The following LRRC37A2 variants were observed in gnomAD, a reference collection of about 807,000 sequenced individuals.
LRRC37A2 encodes leucine rich repeat containing 37 member A2.
Under a neutral mutation model 68.8 loss-of-function variants are expected in LRRC37A2, and 9 were observed. That is an observed-to-expected ratio of 0.13 (90% confidence interval 0.08 to 0.23). The LOEUF is 0.23. LRRC37A2 is among the 10% of genes least tolerant of loss of function. The pLI is 1.00. For missense variants in LRRC37A2, 168 were observed against 950.4 expected (o/e 0.18, Z 10.82); for synonymous variants, 63 against 367.6 (o/e 0.17, Z 9.48).
At chr17:46,725,470 GA>G in the LRRC37A2 span, among the ~76,000 whole-genome samples, 2 of 152,160 alleles carry the variant, frequency 1.3e-5, no homozygotes. Context: ...TTTATGCCAG[GA>G]AAGAGGTAAG....
At chr17:46,898,062 C>T in the LRRC37A2 span, among the ~76,000 whole-genome samples, 1,693 of 152,180 alleles carry the variant, frequency 0.011, 39 homozygotes, top group African/African-American at 0.038. Context: ...ATGAATGTTC[C>T]GGAGACAGAG....
chr17:46,773,913 CA>C, the LRRC37A2 span: 1 of 1,611,016 alleles, frequency 6.2e-7, no homozygotes, highest in Non-Finnish European at 8.5e-7. Context: ...CAGGGACCTG[CA>C]GGCAGACAGA....
the LRRC37A2 span, among the ~76,000 whole-genome samples, chr17:46,873,803 A>G: frequency 2.6e-5 from 4 of 151,038 alleles, no homozygotes; most frequent in African/African-American, 9.9e-5. Flanking sequence ...CAGCGTGGTC[A>G]AAATGGTGAA....
the LRRC37A2 span, among the ~76,000 whole-genome samples, chr17:46,792,778 CATT>C: frequency 6.6e-6 from 1 of 152,172 alleles, no homozygotes; most frequent in Non-Finnish European, 1.5e-5. Flanking sequence ...GGCCAGTGGC[CATT>C]ATTAATAATA....
At chr17:46,935,629 G>A in the LRRC37A2 span, 5 of 1,017,276 alleles carry the variant, frequency 4.9e-6, no homozygotes, top group Non-Finnish European at 5.9e-6. Flanking sequence ...ACTGTGCAGT[G>A]TTAGGGCTGC....
chr17:46,752,366 C>T, the LRRC37A2 span, among the ~76,000 whole-genome samples: 1 of 152,180 alleles, frequency 6.6e-6, no homozygotes, highest in African/African-American at 2.4e-5. Flanking sequence ...CTATCAAGCC[C>T]TATGAGTTCA....
At chr17:46,925,753 C>T in the LRRC37A2 span, among the ~76,000 whole-genome samples, 1 of 152,304 alleles carries the variant, frequency 6.6e-6, no homozygotes, top group South Asian at 2.1e-4. Context: ...TTGTGATTAT[C>T]TCTTGCCGTG....
the LRRC37A2 span, among the ~76,000 whole-genome samples, chr17:46,856,849 T>G: frequency 1.3e-5 from 2 of 152,228 alleles, no homozygotes; most frequent in African/African-American, 4.8e-5. Flanking sequence ...AACACATTTG[T>G]GGTGACTCCA....
At chr17:46,498,892 T>G in the LRRC37A2 span, among the ~76,000 whole-genome samples, 2 of 150,848 alleles carry the variant, frequency 1.3e-5, no homozygotes, top group Admixed American at 1.3e-4. Flanking sequence ...CGTATATATA[T>G]CTACATATAT....
the LRRC37A2 span, chr17:46,755,868 G>C: frequency 4.1e-5 from 65 of 1,591,086 alleles, 1 homozygote; most frequent in East Asian, 1.4e-3. Flanking sequence ...AAGTGACCAA[G>C]GTGAAGATGG....
chr17:46,543,359 C>T lies in LRRC37A2; in HGVS notation c.3053+2478C>T, dbSNP rs566796792. On this transcript the variant is annotated intron_variant, in intron 8 of 14. Transcript: ENST00000576629. Reference sequence around the variant, plus strand: ...ACAGTCTCAAAGATTTGTCAGTATACTTTAAAACAATCCTGGGAACAGTTC... The same window carrying T: ...ACAGTCTCAAAGATTTGTCAGTATATTTTAAAACAATCCTGGGAACAGTTC... Among the ~76,000 whole-genome samples the T allele has an allele frequency of 4.6e-5, 7 of 150,832 alleles. 1 individual carries two copies. In the East Asian group the frequency reaches 1.2e-3, roughly 25 times the overall value.
At chr17:46,833,067 A>G in the LRRC37A2 span, 138 of 348,806 alleles carry the variant, frequency 4.0e-4, 1 homozygote, top group Non-Finnish European at 3.8e-4. Context: ...GTGTCCCTGA[A>G]GAGTCCACCA....
chr17:46,771,290 T>C, the LRRC37A2 span, among the ~76,000 whole-genome samples: 12 of 152,048 alleles, frequency 7.9e-5, no homozygotes, highest in African/African-American at 2.7e-4. Context: ...CCGCGTCCAG[T>C]TGTGCTCCCG....
the LRRC37A2 span, among the ~76,000 whole-genome samples, chr17:47,035,904 T>C: frequency 2.6e-5 from 4 of 152,212 alleles, no homozygotes; most frequent in Non-Finnish European, 4.4e-5. Flanking sequence ...ATTTCCCTAA[T>C]GATTTAAGAC....
At chr17:46,770,070 G>A in the LRRC37A2 span, 2 of 1,528,018 alleles carry the variant, frequency 1.3e-6, no homozygotes, top group Non-Finnish European at 1.8e-6. Context: ...TCGTGGGGAG[G>A]CAGCACTCAG....
At chr17:46,926,579 G>A in the LRRC37A2 span, among the ~76,000 whole-genome samples, 1 of 152,026 alleles carries the variant, frequency 6.6e-6, no homozygotes, top group Non-Finnish European at 1.5e-5. Context: ...TCATGTCCAC[G>A]CTCCCAAGTC....
At chr17:46,899,801 G>A in the LRRC37A2 span, among the ~76,000 whole-genome samples, 1 of 152,080 alleles carries the variant, frequency 6.6e-6, no homozygotes, top group East Asian at 1.9e-4. Context: ...CTGTTATTTA[G>A]AATATGCTAG....
intron 8 of LRRC37A2, among the ~76,000 whole-genome samples, chr17:46,544,117 A>G (rs2145671507): frequency 1.9e-5 from 2 of 105,504 alleles, no homozygotes; most frequent in East Asian, 5.4e-4. Context: ...CCCGGCCTCA[A>G]AATAAACAAA....
the LRRC37A2 span, among the ~76,000 whole-genome samples, chr17:46,893,195 A>G: frequency 9.9e-5 from 15 of 152,124 alleles, no homozygotes; most frequent in Non-Finnish European, 1.8e-4. Context: ...CGGCCTCCCA[A>G]AGTGCTAGGA....
Sources: allele counts gnomAD v4.1 joint callset (sites outside exome capture counted in the v4.1 genomes callset), GRCh38; gene constraint gnomAD v4.1.1; transcripts MANE v1.5; gene names NCBI Gene and HGNC (gene_info 2026-07-23, HGNC 2026-07-21).